SHISA6: variants seen among roughly 807,000 people sequenced by gnomAD.
The protein encoded by SHISA6 is protein shisa-6.
SHISA6 carries 22 observed loss-of-function variants against 47.9 expected under a neutral mutation model. The ratio of observed to expected loss-of-function variants is 0.46; its 90% CI spans 0.33 to 0.66. The LOEUF is 0.66. Ranked by LOEUF, SHISA6 falls within the 30% of genes least tolerant of loss-of-function variation. The pLI, the probability that SHISA6 is intolerant of heterozygous loss-of-function variation, is 0.02. For synonymous variants in SHISA6, 388 were observed against 337.8 expected (o/e 1.15, Z -1.63); for missense variants, 680 against 764.6 (o/e 0.89, Z 1.30).
rs534644124 is a variant in SHISA6, at chr17:11,271,583, G to T, written c.799+8057G>T. ...CTCCCAAGTAGCTGGAATTACAGGT[G>T]CACACCACCACGCCTGGCTTTTTTT... On this transcript the variant is annotated intron_variant, in intron 2 of 5. Coordinates refer to ENST00000441885, the MANE Select transcript of SHISA6 (RefSeq NM_207386.4). Among the ~76,000 whole-genome samples the T allele has an allele frequency of 4.1e-5, 6 of 147,222 alleles. No individual in the cohort carries two copies. The East Asian group carries it at 9.9e-4, about 24-fold the overall frequency.
At chr17:11,358,580 C>T (rs191959887) in intron 2 of SHISA6, among the ~76,000 whole-genome samples, 45 of 151,800 alleles carry the variant, frequency 3.0e-4, no homozygotes, top group African/African-American at 1.1e-3. Flanking sequence ...AGGATGGTCT[C>T]GATCTCCTGA....
At chr17:11,431,131 ATTCTC>A (rs1244632188) in intron 3 of SHISA6, among the ~76,000 whole-genome samples, 3 of 152,128 alleles carry the variant, frequency 2.0e-5, no homozygotes, top group African/African-American at 7.2e-5. Flanking sequence ...GAAAGACGGG[ATTCTC>A]TTCTCATGTC....
intron 3 of SHISA6, among the ~76,000 whole-genome samples, chr17:11,482,381 G>A (rs1247746771): frequency 6.6e-6 from 1 of 152,212 alleles, no homozygotes; most frequent in African/African-American, 2.4e-5. Context: ...GAAGACGGCA[G>A]CTACACAGTG....
At chr17:11,464,961 T>C (rs1246105521) in intron 3 of SHISA6, among the ~76,000 whole-genome samples, 1 of 151,948 alleles carries the variant, frequency 6.6e-6, no homozygotes, top group African/African-American at 2.4e-5. Flanking sequence ...AAAACCCTTT[T>C]ATAAGCACCA....
intron 2 of SHISA6, among the ~76,000 whole-genome samples, chr17:11,327,355 C>T (rs751851809): frequency 5.3e-5 from 8 of 152,196 alleles, no homozygotes; most frequent in East Asian, 1.9e-4. Flanking sequence ...ATTTCCCTTC[C>T]GCAAGGATTA....
At chr17:11,496,536 G>A (rs1371177929) in intron 3 of SHISA6, among the ~76,000 whole-genome samples, 11 of 152,114 alleles carry the variant, frequency 7.2e-5, no homozygotes, top group South Asian at 6.2e-4. Flanking sequence ...TCAGGAGTTC[G>A]AGACCAGCCT....
chr17:11,340,962 C>T (rs1420484480), intron 2 of SHISA6, among the ~76,000 whole-genome samples: 1 of 152,240 alleles, frequency 6.6e-6, no homozygotes, highest in Admixed American at 6.5e-5. Flanking sequence ...TGCTGGTTAG[C>T]TGCAGGTCTG....
chr17:11,405,670 C>T (rs574946720), intron 3 of SHISA6, among the ~76,000 whole-genome samples: 12 of 152,048 alleles, frequency 7.9e-5, no homozygotes, highest in East Asian at 1.9e-4. Context: ...GGCGTGGTGG[C>T]GGGTGCCTGT....
chr17:11,423,883 C>A (rs570259012), intron 3 of SHISA6, among the ~76,000 whole-genome samples: 31 of 151,912 alleles, frequency 2.0e-4, no homozygotes, highest in African/African-American at 7.5e-4. Flanking sequence ...AATACAACAT[C>A]TAGACATGGG....
chr17:11,275,558 C>G (rs940437794), intron 2 of SHISA6, among the ~76,000 whole-genome samples: 2 of 152,046 alleles, frequency 1.3e-5, no homozygotes, highest in African/African-American at 4.8e-5. Context: ...GAAAATAAAC[C>G]CACGGACATA....
chr17:11,553,254 C>A (rs2071946470), intron 4 of SHISA6, among the ~76,000 whole-genome samples: 1 of 152,094 alleles, frequency 6.6e-6, no homozygotes, highest in African/African-American at 2.4e-5. Context: ...GGAGTGGGGG[C>A]ACTCTACACT....
At chr17:11,440,459 C>T (rs1043150304) in intron 3 of SHISA6, among the ~76,000 whole-genome samples, 1 of 151,812 alleles carries the variant, frequency 6.6e-6, no homozygotes, top group East Asian at 2.0e-4. Flanking sequence ...TGGCCTTGCC[C>T]CGGGAGTGAA....
intron 2 of SHISA6, among the ~76,000 whole-genome samples, chr17:11,264,055 C>T (rs991471512): frequency 6.6e-6 from 1 of 152,112 alleles, no homozygotes; most frequent in Non-Finnish European, 1.5e-5. Flanking sequence ...ATGCCTTTTA[C>T]TTTTTGTACT....
At chr17:11,301,344 C>T (rs1459318168) in intron 2 of SHISA6, among the ~76,000 whole-genome samples, 4 of 152,134 alleles carry the variant, frequency 2.6e-5, no homozygotes. Flanking sequence ...GTAAATAATT[C>T]CATTGCAATA....
chr17:11,313,846 GGA>G (rs144179066), intron 2 of SHISA6, among the ~76,000 whole-genome samples: 2 of 151,594 alleles, frequency 1.3e-5, no homozygotes, highest in Non-Finnish European at 2.9e-5. Context: ...AGATGAAGAC[GGA>G]GAGAGAGAGA....
At chr17:11,326,891 G>T (rs762775081) in intron 2 of SHISA6, among the ~76,000 whole-genome samples, 2 of 152,178 alleles carry the variant, frequency 1.3e-5, no homozygotes, top group African/African-American at 2.4e-5. Flanking sequence ...TACCACATCC[G>T]CAGCAACGTA....
At chr17:11,418,284 C>T (rs1447039914) in intron 3 of SHISA6, among the ~76,000 whole-genome samples, 3 of 152,102 alleles carry the variant, frequency 2.0e-5, no homozygotes, top group Non-Finnish European at 4.4e-5. Context: ...GTGCTGTCTC[C>T]ACTCCATACA....
At chr17:11,513,558 T>G (rs2071559189) in intron 3 of SHISA6, among the ~76,000 whole-genome samples, 1 of 152,204 alleles carries the variant, frequency 6.6e-6, no homozygotes, top group South Asian at 2.1e-4. Flanking sequence ...GAAGCTGACT[T>G]GCATAAATCC....
chr17:11,402,788 C>T (rs572329275), intron 3 of SHISA6, among the ~76,000 whole-genome samples: 1 of 152,312 alleles, frequency 6.6e-6, no homozygotes, highest in South Asian at 2.1e-4. Context: ...ACATCACTTC[C>T]TTGTGGAAAC....
Sources: gnomAD v4.1 joint callset for allele counts (sites outside exome capture counted in the v4.1 genomes callset) on GRCh38, gnomAD v4.1.1 for gene constraint, MANE v1.5 for transcripts, NCBI Gene and HGNC (gene_info 2026-07-23, HGNC 2026-07-21) for gene names.